Variants in DOK6 observed in about 807,000 individuals in gnomAD.
DOK6 encodes the protein downstream of tyrosine kinase 6.
In DOK6, 22 loss-of-function variants were observed where a neutral mutation model predicts 44.0. The ratio of observed to expected loss-of-function variants is 0.50; its 90% CI spans 0.36 to 0.71. The LOEUF (loss-of-function observed/expected upper bound fraction) is 0.71. Among genes scored for constraint, DOK6 ranks in the 30% least tolerant of loss-of-function variants. The probability of loss-of-function intolerance (pLI) is 0.00; values close to 1 mark genes in which losing one functional copy is unlikely to be tolerated. For missense variants in DOK6, 340 were observed against 416.4 expected (o/e 0.82, Z 1.60); for synonymous variants, 166 against 145.5 (o/e 1.14, Z -1.01).
chr18:69,567,085 T>G (rs535606243), intron 2 of DOK6, among the ~76,000 whole-genome samples: 1 of 152,348 alleles, frequency 6.6e-6, no homozygotes, highest in South Asian at 2.1e-4. Flanking sequence ...CAAGGCAAAC[T>G]TCATTCCTTG....
At chr18:69,606,799 C>T (rs1044830319) in intron 3 of DOK6, among the ~76,000 whole-genome samples, 11 of 129,620 alleles carry the variant, frequency 8.5e-5, no homozygotes, top group Admixed American at 1.8e-4. Flanking sequence ...CTCTTTCTGT[C>T]GCCCAGGCTG....
At chr18:69,796,506 A>G (rs537469861) in intron 7 of DOK6, among the ~76,000 whole-genome samples, 2 of 152,288 alleles carry the variant, frequency 1.3e-5, no homozygotes, top group Admixed American at 6.5e-5. Context: ...GTACTTTGTC[A>G]GTAAGAGTTC....
At chr18:69,805,985 A>G (rs1002014159) in intron 7 of DOK6, among the ~76,000 whole-genome samples, 1 of 151,960 alleles carries the variant, frequency 6.6e-6, no homozygotes, top group Non-Finnish European at 1.5e-5. Flanking sequence ...TGGGAAGTAC[A>G]TGTGTGTATT....
At chr18:69,754,189 T>A (rs1469543448) in intron 6 of DOK6, among the ~76,000 whole-genome samples, 1 of 151,942 alleles carries the variant, frequency 6.6e-6, no homozygotes, top group Non-Finnish European at 1.5e-5. Context: ...AGGATGTGTG[T>A]CCTCTTTGTT....
At chr18:69,737,615 A>C (rs1978654579) in intron 5 of DOK6, among the ~76,000 whole-genome samples, 1 of 152,232 alleles carries the variant, frequency 6.6e-6, no homozygotes, top group Non-Finnish European at 1.5e-5. Flanking sequence ...CACTGAAGAA[A>C]GAACATCTTC....
At position 69,845,790 on chromosome 18, in the gene DOK6, A is replaced by G. The variant is rs1982333157; in HGVS notation, c.*4407A>G. On this transcript the variant is annotated 3_prime_UTR_variant, in exon 8 of 8. Coordinates refer to ENST00000382713, the MANE Select transcript of DOK6 (RefSeq NM_152721.6). ...TGTTGCTTTATGTCTTAAGGCCACT[A>G]GAGGAAGTCACTACATTCCCAACAA... 1 of 152,212 alleles carries G rather than the reference A, an allele frequency of 6.6e-6. No individual in the cohort carries two copies. Among genetic ancestry groups the G allele is most frequent in the African/African-American group, 2.4e-5 (1 of 41,452 alleles). The allele number at this position is 152,212 out of a possible 1,614,324, so 9.4% of individuals were successfully genotyped here.
Position 69,427,015 on chromosome 18 carries a change from GTGC to G in DOK6, c.66+25707_66+25709del, listed in dbSNP as rs1978657100. Among the ~76,000 whole-genome samples, 3 of 22,634 alleles carry G rather than the reference GTGC, an allele frequency of 1.3e-4. No individual in the cohort carries two copies. In the South Asian group the frequency reaches 7.9e-3, roughly 60 times the overall value. The allele number at this position is 22,634 out of a possible 152,430, so 14.8% of individuals were successfully genotyped here. On this transcript the variant is annotated intron_variant, in intron 1 of 7. Transcript: ENST00000382713. ...CCTTCCATCCTCTACCCTCCAAAAG[GTGC>G]TAGTGTGTGTTGTTTCCCTCTATGT...
chr18:69,603,922 T>A (rs1364956980), intron 3 of DOK6, among the ~76,000 whole-genome samples: 9 of 152,146 alleles, frequency 5.9e-5, no homozygotes, highest in Non-Finnish European at 2.9e-5. Context: ...CGATTTATTC[T>A]CAGTGAAAAA....
At chr18:69,411,056 C>T (rs572210164) in intron 1 of DOK6, among the ~76,000 whole-genome samples, 2 of 152,140 alleles carry the variant, frequency 1.3e-5, no homozygotes, top group East Asian at 1.9e-4. Flanking sequence ...GAGAGAAAAT[C>T]GAAGCAATAT....
intron 6 of DOK6, among the ~76,000 whole-genome samples, chr18:69,745,817 T>A (rs1227320082): frequency 6.6e-6 from 1 of 152,256 alleles, no homozygotes; most frequent in Non-Finnish European, 1.5e-5. Flanking sequence ...ATGAGCTAAT[T>A]CATAAGATGG....
intron 7 of DOK6, among the ~76,000 whole-genome samples, chr18:69,765,276 A>G (rs1381947641): frequency 1.3e-5 from 2 of 152,222 alleles, no homozygotes; most frequent in Admixed American, 1.3e-4. Flanking sequence ...AAGTAAAATG[A>G]AGCCTGATAG....
intron 1 of DOK6, among the ~76,000 whole-genome samples, chr18:69,561,599 G>A (rs1277324483): frequency 1.3e-5 from 2 of 152,054 alleles, no homozygotes; most frequent in Non-Finnish European, 2.9e-5. Context: ...CTCTAAAGGA[G>A]TAATATAGTT....
At chr18:69,434,908 G>C (rs1297536923) in intron 1 of DOK6, among the ~76,000 whole-genome samples, 3 of 137,022 alleles carry the variant, frequency 2.2e-5, no homozygotes, top group Non-Finnish European at 4.7e-5. Context: ...GCGACAGAGC[G>C]AGGCTCTGTC....
intron 7 of DOK6, among the ~76,000 whole-genome samples, chr18:69,797,564 G>T (rs760803388): frequency 1.3e-5 from 2 of 152,090 alleles, no homozygotes; most frequent in Admixed American, 6.6e-5. Context: ...AAGTATTATT[G>T]CAAATCAGAT....
chr18:69,637,830 T>G (rs1166458380), intron 3 of DOK6, among the ~76,000 whole-genome samples: 1 of 152,084 alleles, frequency 6.6e-6, no homozygotes, highest in Non-Finnish European at 1.5e-5. Context: ...TTAATAATAC[T>G]TTGAGCAAAA....
chr18:69,580,140 A>C (rs1461631610), intron 2 of DOK6, among the ~76,000 whole-genome samples: 1 of 152,168 alleles, frequency 6.6e-6, no homozygotes, highest in African/African-American at 2.4e-5. Flanking sequence ...TGGGGTCAAA[A>C]GCCTGATTCA....
intron 1 of DOK6, among the ~76,000 whole-genome samples, chr18:69,546,526 T>C (rs1241649825): frequency 6.6e-6 from 1 of 151,444 alleles, no homozygotes; most frequent in Non-Finnish European, 1.5e-5. Flanking sequence ...TTCTTACAGT[T>C]TGTGGGGTAC....
At chr18:69,602,171 TG>T (rs1384634291) in intron 3 of DOK6, among the ~76,000 whole-genome samples, 1 of 152,126 alleles carries the variant, frequency 6.6e-6, no homozygotes, top group African/African-American at 2.4e-5. Context: ...TAGAAAGGGA[TG>T]GGAGAAAACA....
At chr18:69,556,838 C>G (rs1203908110) in intron 1 of DOK6, among the ~76,000 whole-genome samples, 1 of 152,196 alleles carries the variant, frequency 6.6e-6, no homozygotes, top group Non-Finnish European at 1.5e-5. Context: ...CTAAACTCAT[C>G]AGTGCGTTAA....
Sources: gnomAD v4.1 joint callset for allele counts (sites outside exome capture counted in the v4.1 genomes callset) on GRCh38, gnomAD v4.1.1 for gene constraint, MANE v1.5 for transcripts, NCBI Gene and HGNC (gene_info 2026-07-23, HGNC 2026-07-21) for gene names.